ST6GALNAC5: variants seen among roughly 807,000 people sequenced by gnomAD.
The protein encoded by ST6GALNAC5 is ST6 N-acetylgalactosaminide alpha-2,6-sialyltransferase 5, also known as alpha-N-acetylgalactosaminide alpha-2,6-sialyltransferase 5.
ST6GALNAC5 carries 27 observed loss-of-function variants against 33.6 expected under a neutral mutation model. The ratio of observed to expected loss-of-function variants is 0.80; its 90% CI spans 0.59 to 1.11. The LOEUF (loss-of-function observed/expected upper bound fraction) is 1.11, where lower values mean the gene tolerates loss of function less well. Among genes scored for constraint, ST6GALNAC5 ranks in the 50% least tolerant of loss-of-function variants. The pLI is 0.00. For missense variants in ST6GALNAC5, 428 were observed against 454.0 expected (o/e 0.94, Z 0.52); for synonymous variants, 194 against 171.2 (o/e 1.13, Z -1.04).
chr1:77,025,814 C>G (rs1401129947), intron 2 of ST6GALNAC5, among the ~76,000 whole-genome samples: 2 of 152,120 alleles, frequency 1.3e-5, no homozygotes, highest in African/African-American at 2.4e-5. Context: ...GCAGTCTTCT[C>G]CCCTGCAGCT....
chr1:76,976,206 C>A (rs2100373355), intron 2 of ST6GALNAC5, among the ~76,000 whole-genome samples: 1 of 152,096 alleles, frequency 6.6e-6, no homozygotes, highest in South Asian at 2.1e-4. Context: ...AAATTCTTGA[C>A]CTGGGTAGTA....
At chr1:76,915,348 T>C (rs1299532633) in intron 2 of ST6GALNAC5, among the ~76,000 whole-genome samples, 1 of 152,062 alleles carries the variant, frequency 6.6e-6, no homozygotes, top group Non-Finnish European at 1.5e-5. Context: ...ACTGGGTATA[T>C]ACCCAAAGGA....
At chr1:76,984,227 G>A (rs570362657) in intron 2 of ST6GALNAC5, among the ~76,000 whole-genome samples, 75 of 152,188 alleles carry the variant, frequency 4.9e-4, no homozygotes, top group Non-Finnish European at 7.6e-4. Context: ...TCAGGAGCTG[G>A]TTTTTTGAAA....
intron 2 of ST6GALNAC5, among the ~76,000 whole-genome samples, chr1:76,870,044 A>C (rs974731975): frequency 3.3e-5 from 5 of 152,234 alleles, no homozygotes; most frequent in African/African-American, 1.2e-4. Context: ...CAATTTCATT[A>C]GGAAGTGATT....
At chr1:76,951,706 A>G (rs1647753430) in intron 2 of ST6GALNAC5, among the ~76,000 whole-genome samples, 1 of 152,118 alleles carries the variant, frequency 6.6e-6, no homozygotes, top group Non-Finnish European at 1.5e-5. Flanking sequence ...CTTATTATTA[A>G]TTTTCCCAAT....
intron 2 of ST6GALNAC5, among the ~76,000 whole-genome samples, chr1:76,971,247 C>T (rs964628690): frequency 1.4e-4 from 21 of 152,188 alleles, no homozygotes; most frequent in Middle Eastern, 3.4e-3. Flanking sequence ...ACCCGTGATG[C>T]GTCGTGATGT....
At chr1:76,995,901 G>A (rs892803789) in intron 2 of ST6GALNAC5, among the ~76,000 whole-genome samples, 13 of 152,182 alleles carry the variant, frequency 8.5e-5, no homozygotes, top group Admixed American at 5.2e-4. Context: ...GCATGGAGCC[G>A]AAGAGGAGAT....
At chr1:76,909,707 G>C (rs1342506891) in intron 2 of ST6GALNAC5, among the ~76,000 whole-genome samples, 5 of 152,022 alleles carry the variant, frequency 3.3e-5, no homozygotes, top group African/African-American at 1.2e-4. Flanking sequence ...AAAATTTATA[G>C]AGTGCTCAAA....
intron 2 of ST6GALNAC5, among the ~76,000 whole-genome samples, chr1:76,989,807 G>T (rs1419899159): frequency 6.6e-6 from 1 of 152,040 alleles, no homozygotes; most frequent in Non-Finnish European, 1.5e-5. Flanking sequence ...TAGGGTAGAA[G>T]GTCACATCCT....
chr1:77,012,587 T>C (rs972970588), intron 2 of ST6GALNAC5, among the ~76,000 whole-genome samples: 1 of 152,218 alleles, frequency 6.6e-6, no homozygotes. Context: ...CAGGTCCTAA[T>C]TGGATCGACT....
At chr1:76,910,545 G>T (rs2100279066) in intron 2 of ST6GALNAC5, among the ~76,000 whole-genome samples, 1 of 151,980 alleles carries the variant, frequency 6.6e-6, no homozygotes, top group East Asian at 1.9e-4. Flanking sequence ...TGGAAATCTT[G>T]GTTTTAAAAT....
chr1:76,899,537 G>A (rs1232624690), intron 2 of ST6GALNAC5, among the ~76,000 whole-genome samples: 1 of 152,182 alleles, frequency 6.6e-6, no homozygotes, highest in Non-Finnish European at 1.5e-5. Flanking sequence ...TAAGGGTGAA[G>A]GACCAAGGCA....
At chr1:76,941,928 G>A (rs935180955) in intron 2 of ST6GALNAC5, among the ~76,000 whole-genome samples, 1 of 152,110 alleles carries the variant, frequency 6.6e-6, no homozygotes, top group African/African-American at 2.4e-5. Context: ...CTCTGAATGC[G>A]AGGTGTTAGA....
At chr1:76,870,533 A>C (rs1020951093) in intron 2 of ST6GALNAC5, among the ~76,000 whole-genome samples, 5 of 152,336 alleles carry the variant, frequency 3.3e-5, no homozygotes, top group African/African-American at 1.2e-4. Context: ...CCTAATGCTT[A>C]TGTTCAAAAC....
chr1:76,959,126 A>C (rs548747530), intron 2 of ST6GALNAC5, among the ~76,000 whole-genome samples: 2 of 152,226 alleles, frequency 1.3e-5, no homozygotes, highest in African/African-American at 2.4e-5. Context: ...GATTTGTAGC[A>C]TTCTCAGTCT....
rs112614172 is a variant in ST6GALNAC5 at position 76,935,297 on chromosome 1, G to C, written c.261+66555G>C. Among the ~76,000 whole-genome samples the C allele has an allele frequency of 5.2e-4, 79 of 152,176 alleles. 2 individuals are homozygous for C. Among genetic ancestry groups the C allele is most frequent in the African/African-American group, 1.8e-3 (73 of 41,554 alleles). The stretch of plus-strand genomic sequence containing the variant: ...TAAAAGGAAAGTAATACAATGTCTG[G>C]ATAGGGGAAAAAATCAGATTATGGG... On this transcript the variant is annotated intron_variant, in intron 2 of 4. Transcript: ENST00000477717.
chr1:77,000,650 T>C (rs948545290), intron 2 of ST6GALNAC5, among the ~76,000 whole-genome samples: 5 of 150,978 alleles, frequency 3.3e-5, no homozygotes, highest in African/African-American at 1.2e-4. Flanking sequence ...CCTTAATCCA[T>C]CTTGAATTGA....
intron 2 of ST6GALNAC5, among the ~76,000 whole-genome samples, chr1:76,981,749 C>T (rs1293625313): frequency 6.6e-6 from 1 of 152,170 alleles, no homozygotes; most frequent in East Asian, 1.9e-4. Context: ...CCAACAGACA[C>T]CTCATATAGG....
intron 2 of ST6GALNAC5, among the ~76,000 whole-genome samples, chr1:76,980,758 T>A (rs952313747): frequency 2.2e-4 from 33 of 152,172 alleles, no homozygotes; most frequent in African/African-American, 8.0e-4. Context: ...GAAATAGCAC[T>A]ATGAAATTCT....
Sources: gnomAD v4.1 joint callset for allele counts (sites outside exome capture counted in the v4.1 genomes callset) on GRCh38, gnomAD v4.1.1 for gene constraint, MANE v1.5 for transcripts, NCBI Gene and HGNC (gene_info 2026-07-23, HGNC 2026-07-21) for gene names.